The following FAM184B variants were observed in gnomAD, a reference collection of about 807,000 sequenced individuals.
FAM184B encodes protein FAM184B.
FAM184B carries 111 observed loss-of-function variants against 135.9 expected under a neutral mutation model. The observed-to-expected ratio is 0.82, with a 90% confidence interval of 0.70 to 0.96. FAM184B has a LOEUF of 0.96. Among genes scored for constraint, FAM184B ranks in the 40% least tolerant of loss-of-function variants. FAM184B has a pLI of 0.00. For synonymous variants in FAM184B, 552 were observed against 524.8 expected (o/e 1.05, Z -0.71); for missense variants, 1,375 against 1,323.9 (o/e 1.04, Z -0.60).
At chr4:17,758,604 A>G (rs887843752) in intron 1 of FAM184B, among the ~76,000 whole-genome samples, 1 of 152,242 alleles carries the variant, frequency 6.6e-6, no homozygotes, top group Non-Finnish European at 1.5e-5. Flanking sequence ...TGAAACATCT[A>G]CAGAGGGGTA....
Position 17,656,854 on chromosome 4 carries a change from C to G in FAM184B, c.2037+1496G>C, listed in dbSNP as rs530355180. 9.9e-5 allele frequency among the ~76,000 whole-genome samples: 15 copies of G among 152,284 alleles called. No homozygotes were observed. In the South Asian group the frequency reaches 2.7e-3, roughly 27 times the overall value. ...TCCTGTCCTCGGAGGCAGCCATTGT[C>G]AACTCCTTGTTTCTTGTTGTATTTA... On this transcript the variant is annotated intron_variant, in intron 10 of 17. Transcript: ENST00000265018.
chr4:17,674,870 C>T (rs1409595215), intron 7 of FAM184B, among the ~76,000 whole-genome samples: 1 of 152,194 alleles, frequency 6.6e-6, no homozygotes, highest in Non-Finnish European at 1.5e-5. Context: ...GTCACATCAT[C>T]AGGCTTTACA....
intron 7 of FAM184B, among the ~76,000 whole-genome samples, chr4:17,684,466 C>T (rs1184977238): frequency 6.6e-6 from 1 of 151,988 alleles, no homozygotes; most frequent in Non-Finnish European, 1.5e-5. Flanking sequence ...AAAAGAGGCC[C>T]GCATTTGAAA....
intron 7 of FAM184B, among the ~76,000 whole-genome samples, chr4:17,679,235 A>G (rs1716383821): frequency 6.6e-6 from 1 of 152,248 alleles, no homozygotes; most frequent in Non-Finnish European, 1.5e-5. Context: ...AGCAGAGTAA[A>G]CAGACAACCT....
chr4:17,774,717 C>T (rs1181137332), intron 1 of FAM184B, among the ~76,000 whole-genome samples: 1 of 152,228 alleles, frequency 6.6e-6, no homozygotes. Flanking sequence ...GGCCTGGGCC[C>T]TGTATGCTGT....
Position 17,636,707 on chromosome 4 carries a change from A to G in FAM184B, c.2667-62T>C, listed in dbSNP as rs889061403. On this transcript the variant is annotated intron_variant, in intron 14 of 17. Coordinates refer to ENST00000265018, the MANE Select transcript of FAM184B (RefSeq NM_015688.2). ...AGCAATTACTCAACAAAGAGGGAGAACAAGTGCACACGATGGGAATGCCAT... is the reference window on the plus strand; with the variant it reads ...AGCAATTACTCAACAAAGAGGGAGAGCAAGTGCACACGATGGGAATGCCAT... The G allele has an allele frequency of 7.7e-6, 10 of 1,296,604 alleles. No homozygotes were observed. In the African/African-American group the frequency reaches 1.3e-4, roughly 17 times the overall value. The allele number at this position is 1,296,604 out of a possible 1,614,324, so 80.3% of individuals were successfully genotyped here. A position where few individuals can be genotyped will look rare whatever the true frequency, so the allele number is the denominator to read the frequency against.
At chr4:17,669,107 T>C (rs1577254179) in intron 7 of FAM184B, among the ~76,000 whole-genome samples, 1 of 152,228 alleles carries the variant, frequency 6.6e-6, no homozygotes, top group East Asian at 1.9e-4. Context: ...TCTATGTAAC[T>C]AGAAACTAAA....
At position 17,651,537 on chromosome 4, in the gene FAM184B, C is replaced by CAAAAA. The variant is rs751455835; in HGVS notation, c.2191+1288_2191+1292dup. ...TGGGCGACAGAGCAAGACTCTGTCT[C>CAAAAA]AAAAAAAAAAAAAAAAAAAAAAAAA... On this transcript the variant is annotated intron_variant, in intron 11 of 17. Transcript: ENST00000265018. Among the ~76,000 whole-genome samples the CAAAAA allele has an allele frequency of 1.5e-3, 66 of 43,048 alleles. 4 individuals are homozygous for CAAAAA. The highest frequency in any genetic ancestry group is 4.1e-3 in the African/African-American group (40 of 9,652). The allele number at this position is 43,048 out of a possible 152,430, so 28.2% of individuals were successfully genotyped here.
intron 1 of FAM184B, among the ~76,000 whole-genome samples, chr4:17,720,063 C>T (rs1400560232): frequency 2.6e-5 from 4 of 152,184 alleles, no homozygotes; most frequent in Non-Finnish European, 5.9e-5. Flanking sequence ...ATAGGAATGC[C>T]CCAGAGTGTT....
intron 6 of FAM184B, among the ~76,000 whole-genome samples, chr4:17,690,199 A>C (rs1577262005): frequency 6.6e-6 from 1 of 152,176 alleles, no homozygotes. Context: ...AGGGGCATTC[A>C]AGCAGCTTAA....
rs994144942 is a variant in FAM184B, at chr4:17,709,274, G to A, written c.512C>T (p.Thr171Ile). The A allele has an allele frequency of 8.4e-6, 13 of 1,548,328 alleles. No homozygotes were observed. Among genetic ancestry groups the A allele is most frequent in the Non-Finnish European group, 9.6e-6 (11 of 1,145,382 alleles). ...CTCCTGGGGCAGCCGGCCCTGCGGG[G>A]TAGCCTCGTGGCTCGTCAGGTGCTG... ...RLQHLTSHEATPQGRLPQESP... is the reference protein window; with the variant it reads ...RLQHLTSHEAIPQGRLPQESP... Residue 171 changes from threonine to isoleucine, a missense_variant, in exon 2 of 18, where the codon ACC (threonine) becomes ATC (isoleucine). By Grantham distance (89) the Thr-to-Ile change is moderately conservative (BLOSUM62 -1). Transcript: ENST00000265018.
intron 8 of FAM184B, among the ~76,000 whole-genome samples, chr4:17,662,355 TG>T (rs1192828919): frequency 1.5e-4 from 21 of 143,252 alleles, no homozygotes; most frequent in African/African-American, 3.6e-4. Flanking sequence ...TTTTTTTTTT[TG>T]AAATGGAGTC....
At position 17,636,603 on chromosome 4, in the gene FAM184B, C is replaced by T; in HGVS notation, c.2709G>A (p.Arg903=). The part of the protein sequence containing the change: ...SGEKPGKGAS[R]PEDLQLIGRL... Reference sequence around the variant, plus strand: ...GGCCAATGAGCTGAAGGTCCTCGGGCCTGGACGCTCCCTTCCCTGGCTTCT... The same window carrying T: ...GGCCAATGAGCTGAAGGTCCTCGGGTCTGGACGCTCCCTTCCCTGGCTTCT... Residue 903 remains arginine (R), a synonymous_variant, in exon 15 of 18, where the codon AGG becomes AGA. Coordinates refer to ENST00000265018, the MANE Select transcript of FAM184B (RefSeq NM_015688.2). The T allele has an allele frequency of 6.4e-7, 1 of 1,550,894 alleles. No homozygotes were observed. The highest frequency in any genetic ancestry group is 8.7e-7 in the Non-Finnish European group (1 of 1,146,922).
intron 1 of FAM184B, among the ~76,000 whole-genome samples, chr4:17,757,705 A>G (rs1212900661): frequency 6.6e-6 from 1 of 152,124 alleles, no homozygotes; most frequent in Non-Finnish European, 1.5e-5. Context: ...TATACCGTAT[A>G]CTTTCTAATG....
At position 17,677,194 on chromosome 4, in the gene FAM184B, C is replaced by T. The variant is rs189962356; in HGVS notation, c.1596+11230G>A. ...TCCCAAGTAGCTGGGACTACAGGTACACACCACCACGCCCTTCTAATTTTT... is the reference window on the plus strand; with the variant it reads ...TCCCAAGTAGCTGGGACTACAGGTATACACCACCACGCCCTTCTAATTTTT... On this transcript the variant is annotated intron_variant, in intron 7 of 17. Coordinates refer to ENST00000265018, the MANE Select transcript of FAM184B (RefSeq NM_015688.2). 1.4e-3 allele frequency among the ~76,000 whole-genome samples: 211 copies of T among 152,206 alleles called. 2 individuals carry two copies. Among genetic ancestry groups the T allele is most frequent in the African/African-American group, 5.0e-3 (209 of 41,524 alleles).
intron 1 of FAM184B, among the ~76,000 whole-genome samples, chr4:17,765,312 T>C (rs1270513364): frequency 6.6e-6 from 1 of 152,138 alleles, no homozygotes; most frequent in African/African-American, 2.4e-5. Context: ...GGGCATTACC[T>C]GTAACAAAGG....
At position 17,636,867 on chromosome 4, in the gene FAM184B, C is replaced by G. The variant is rs575055504; in HGVS notation, c.2667-222G>C. ...AGGCTGCAGGGCCAGGAAGCAAAGG[C>G]CCCTGTGTGCACATAGATGCTGCAC... On this transcript the variant is annotated intron_variant, in intron 14 of 17. Transcript: ENST00000265018. Among the ~76,000 whole-genome samples, 12 of 152,266 alleles carry G rather than the reference C, an allele frequency of 7.9e-5. No homozygotes were observed. In the South Asian group the frequency reaches 2.3e-3, roughly 29 times the overall value.
At chr4:17,737,258 T>A (rs1455819666) in intron 1 of FAM184B, among the ~76,000 whole-genome samples, 3 of 152,188 alleles carry the variant, frequency 2.0e-5, no homozygotes, top group Non-Finnish European at 4.4e-5. Context: ...CTGTGTTATG[T>A]ACAAACAAGG....
chr4:17,635,109 T>C lies in FAM184B; in HGVS notation c.2789A>G (p.Glu930Gly), dbSNP rs1715086764. ...GAATGCTGCGTAGTGAAATCTTCTC[T>C]CTTCCTAGAAAACCAATACAACTGA... ...REDIIKQLTE[E>G]RRFHYAAFPS... The change falls in exon 16 of 18, where the codon GAG becomes GGG. Residue 930 changes from glutamate (E) to glycine (G), a missense_variant. Glu to Gly is a moderately conservative substitution (Grantham distance 98). Coordinates refer to ENST00000265018, the MANE Select transcript of FAM184B (RefSeq NM_015688.2). 1 of 1,551,136 alleles carries C rather than the reference T, an allele frequency of 6.4e-7. No individual in the cohort carries two copies. The highest frequency in any genetic ancestry group is 1.4e-5 in the African/African-American group (1 of 73,024).
Sources: gnomAD v4.1 joint callset for allele counts (sites outside exome capture counted in the v4.1 genomes callset) on GRCh38, gnomAD v4.1.1 for gene constraint, MANE v1.5 for transcripts, NCBI Gene and HGNC (gene_info 2026-07-23, HGNC 2026-07-21) for gene names.